Variants in TNNI3K observed in about 807,000 individuals in gnomAD.
The protein encoded by TNNI3K is TNNI3 interacting kinase.
In TNNI3K, 140 loss-of-function variants were observed where a neutral mutation model predicts 114.5. The ratio of observed to expected loss-of-function variants is 1.22; its 90% CI spans 1.07 to 1.41. The LOEUF is 1.41. Ranked by LOEUF, TNNI3K falls within the 40% of genes most tolerant of loss-of-function variation. The pLI, the probability that TNNI3K is intolerant of heterozygous loss-of-function variation, is 0.00. For synonymous variants in TNNI3K, 347 were observed against 347.5 expected, an observed-to-expected ratio of 1.00 and a Z score of 0.02; for missense variants, 1,125 against 1,007.6, an observed-to-expected ratio of 1.12 and a Z score of -1.58.
chr1:74,300,443 T>C (rs905820236), intron 5 of TNNI3K, among the ~76,000 whole-genome samples: 3 of 152,202 alleles, frequency 2.0e-5, no homozygotes, highest in African/African-American at 7.2e-5. Context: ...CTGACACTGA[T>C]GGGAAACTCC....
chr1:74,530,587 C>T (rs952634930), intron 23 of TNNI3K, among the ~76,000 whole-genome samples: 6 of 152,200 alleles, frequency 3.9e-5, no homozygotes, highest in African/African-American at 1.4e-4. Context: ...GATTTCACTA[C>T]AACCTTGCTA....
At chr1:74,347,595 G>T (rs1363523971) in intron 9 of TNNI3K, among the ~76,000 whole-genome samples, 4 of 152,160 alleles carry the variant, frequency 2.6e-5, no homozygotes, top group Non-Finnish European at 5.9e-5. Flanking sequence ...CACAATGGTT[G>T]AACTAGTTTA....
At chr1:74,489,363 C>T (rs1668929573) in intron 22 of TNNI3K, 115 bp downstream of exon 22, 3 of 1,041,050 alleles carry the variant, frequency 2.9e-6, no homozygotes, top group African/African-American at 3.2e-5. Context: ...CCCATAACTC[C>T]ATCCATATTT....
chr1:74,387,740 A>G (rs1240481637), intron 17 of TNNI3K, among the ~76,000 whole-genome samples: 1 of 152,248 alleles, frequency 6.6e-6, no homozygotes, highest in Non-Finnish European at 1.5e-5. Flanking sequence ...CTGCCACTTC[A>G]AAACACTGCA....
intron 10 of TNNI3K, 146 bp downstream of exon 10, chr1:74,353,506 A>G: frequency 1.1e-6 from 1 of 874,098 alleles, no homozygotes; most frequent in Non-Finnish European, 1.7e-6. Flanking sequence ...AGAATTGATA[A>G]TGACTGATAA....
At chr1:74,291,958 T>C (rs532032105) in intron 5 of TNNI3K, among the ~76,000 whole-genome samples, 2 of 151,648 alleles carry the variant, frequency 1.3e-5, no homozygotes, top group East Asian at 3.9e-4. Context: ...CAAGTGTCCA[T>C]TTAATTGCAA....
chr1:74,444,871 A>G (rs749601696), intron 20 of TNNI3K, among the ~76,000 whole-genome samples: 4 of 152,208 alleles, frequency 2.6e-5, no homozygotes, highest in African/African-American at 7.2e-5. Flanking sequence ...ACTCAGAAAT[A>G]AGACCACACA....
chr1:74,538,710 T>C (rs1243544469), intron 23 of TNNI3K, among the ~76,000 whole-genome samples: 1 of 152,136 alleles, frequency 6.6e-6, no homozygotes. Flanking sequence ...GAGGAGGCAG[T>C]CATAGATGAA....
At chr1:74,435,822 T>C (rs138038935) in intron 17 of TNNI3K, among the ~76,000 whole-genome samples, 24 of 152,194 alleles carry the variant, frequency 1.6e-4, no homozygotes, top group Admixed American at 2.6e-4. Context: ...ATGGGTCTTT[T>C]TGACAAGTTT....
chr1:74,414,376 T>G (rs1362813711), intron 17 of TNNI3K, among the ~76,000 whole-genome samples: 1 of 152,204 alleles, frequency 6.6e-6, no homozygotes, highest in East Asian at 1.9e-4. Flanking sequence ...ACCATTTATC[T>G]GGCATACTAA....
intron 5 of TNNI3K, among the ~76,000 whole-genome samples, chr1:74,299,049 G>C (rs548412744): frequency 3.9e-4 from 59 of 152,166 alleles, no homozygotes; most frequent in African/African-American, 1.4e-3. Flanking sequence ...ATTAAGACTT[G>C]ATATTCTTCC....
At chr1:74,467,216 T>C (rs1667718244) in intron 21 of TNNI3K, among the ~76,000 whole-genome samples, 1 of 152,184 alleles carries the variant, frequency 6.6e-6, no homozygotes, top group African/African-American at 2.4e-5. Flanking sequence ...TGCAACATTG[T>C]AGCCATGGAG....
intron 24 of TNNI3K, among the ~76,000 whole-genome samples, chr1:74,541,021 G>A (rs1212654032): frequency 6.6e-6 from 1 of 152,172 alleles, no homozygotes; most frequent in African/African-American, 2.4e-5. Context: ...CAACCTTTAA[G>A]CCTGAGAGGC....
intron 7 of TNNI3K, among the ~76,000 whole-genome samples, chr1:74,342,242 G>A (rs1382807114): frequency 6.6e-6 from 1 of 152,128 alleles, no homozygotes; most frequent in Non-Finnish European, 1.5e-5. Context: ...ACTGAATGAA[G>A]AATTGAATTT....
chr1:74,426,004 T>TA (rs10712987), intron 17 of TNNI3K, among the ~76,000 whole-genome samples: 1 of 151,806 alleles, frequency 6.6e-6, no homozygotes, highest in Admixed American at 6.6e-5. Flanking sequence ...TCAGTGAATT[T>TA]AAAAAAAAAT....
chr1:74,537,286 A>C (rs2100457261), intron 23 of TNNI3K, among the ~76,000 whole-genome samples: 1 of 152,318 alleles, frequency 6.6e-6, no homozygotes, highest in African/African-American at 2.4e-5. Context: ...AGGTATATTA[A>C]TAAGGGAAAT....
At chr1:74,259,116 A>C (rs768199789) in intron 4 of TNNI3K, among the ~76,000 whole-genome samples, 1 of 152,158 alleles carries the variant, frequency 6.6e-6, no homozygotes, top group Non-Finnish European at 1.5e-5. Context: ...AACCAATAGG[A>C]TTAATGGATC....
At chr1:74,368,938 A>G in intron 13 of TNNI3K, 84 bp from the exon 14 acceptor site, 4 of 1,071,262 alleles carry the variant, frequency 3.7e-6, no homozygotes, top group Non-Finnish European at 5.2e-6. Flanking sequence ...TTATGTTTTT[A>G]GTTAAATATA....
chr1:74,367,109 G>A (rs981246447), intron 11 of TNNI3K, 147 bp from the exon 12 acceptor site: 13 of 736,666 alleles, frequency 1.8e-5, no homozygotes, highest in African/African-American at 1.4e-4. Context: ...ACCAAAGAAT[G>A]AATGAACTAA....
Sources: gnomAD v4.1 joint callset for allele counts (sites outside exome capture counted in the v4.1 genomes callset) on GRCh38, gnomAD v4.1.1 for gene constraint, MANE v1.5 for transcripts, NCBI Gene and HGNC (gene_info 2026-07-23, HGNC 2026-07-21) for gene names.